The following NPAS3 variants were observed in gnomAD, a reference collection of about 807,000 sequenced individuals.
NPAS3 encodes neuronal PAS domain protein 3.
In NPAS3, 14 loss-of-function variants were observed where a neutral mutation model predicts 73.1. The observed-to-expected ratio is 0.19, with a 90% CI of 0.13 to 0.30. The LOEUF (loss-of-function observed/expected upper bound fraction) is 0.30, where lower values mean the gene tolerates loss of function less well. Among genes scored for constraint, NPAS3 ranks in the 10% least tolerant of loss-of-function variants. The pLI, the probability that NPAS3 is intolerant of heterozygous loss-of-function variation, is 1.00. For missense variants in NPAS3, 1,096 were observed against 1,250.0 expected, an observed-to-expected ratio of 0.88 and a Z score of 1.86; for synonymous variants, 620 against 541.5, an observed-to-expected ratio of 1.14 and a Z score of -2.01.
At chr14:33,627,505 G>A (rs533710042) in intron 5 of NPAS3, among the ~76,000 whole-genome samples, 1 of 152,122 alleles carries the variant, frequency 6.6e-6, no homozygotes, top group African/African-American at 2.4e-5. Context: ...AGATCCTCAC[G>A]TAATAGTTGA....
At chr14:33,201,300 G>GGGGTGTGTGTGTGTGTGTGTGT in intron 2 of NPAS3, among the ~76,000 whole-genome samples, 1 of 151,038 alleles carries the variant, frequency 6.6e-6, no homozygotes, top group South Asian at 2.1e-4. Context: ...CCCTAACAAT[G>GGGGTGTGTGTGTGTGTGTGTGT]GTGTGTGTGT....
chr14:33,098,167 G>C (rs975275837), intron 2 of NPAS3, among the ~76,000 whole-genome samples: 31 of 152,184 alleles, frequency 2.0e-4, no homozygotes, highest in Non-Finnish European at 5.9e-5. Flanking sequence ...GCATGAGGTT[G>C]AGGGCTCTAT....
chr14:33,013,021 C>T (rs1566465132), intron 1 of NPAS3, among the ~76,000 whole-genome samples: 2 of 152,094 alleles, frequency 1.3e-5, no homozygotes, highest in Non-Finnish European at 2.9e-5. Flanking sequence ...ATGTTCCATA[C>T]CCTTGTGTGA....
At chr14:33,416,710 C>T (rs557888263) in intron 4 of NPAS3, among the ~76,000 whole-genome samples, 80 of 152,024 alleles carry the variant, frequency 5.3e-4, no homozygotes, top group South Asian at 1.0e-3. Context: ...TCTATTCTTA[C>T]TCCATCACAA....
rs541207763 is a variant in NPAS3 at position 33,459,560 on chromosome 14, G to A, written c.468+92292G>A. On this transcript the variant is annotated intron_variant, in intron 4 of 11. Coordinates refer to ENST00000356141, the Ensembl canonical transcript of NPAS3. The stretch of plus-strand genomic sequence containing the variant: ...AAGTCATTTGGTCAGGCAATCTGAG[G>A]TGAGTCAGTTTATCTCTCTGATTTA... Among the ~76,000 whole-genome samples the A allele has an allele frequency of 5.9e-5, 9 of 152,294 alleles. No homozygotes were observed. The East Asian group carries it at 1.5e-3, about 26-fold the overall frequency.
chr14:33,098,096 C>T (rs1327292579), intron 2 of NPAS3, among the ~76,000 whole-genome samples: 1 of 152,144 alleles, frequency 6.6e-6, no homozygotes, highest in Non-Finnish European at 1.5e-5. Context: ...AAGATGTTTA[C>T]ACATATTTTC....
intron 6 of NPAS3, among the ~76,000 whole-genome samples, chr14:33,724,617 A>G (rs999751290): frequency 1.3e-5 from 2 of 152,158 alleles, no homozygotes; most frequent in Admixed American, 1.3e-4. Flanking sequence ...TGAGTGACAG[A>G]GTGAGACACC....
intron 9 of NPAS3, among the ~76,000 whole-genome samples, chr14:33,783,912 G>A (rs1268029852): frequency 6.6e-6 from 1 of 152,202 alleles, no homozygotes; most frequent in Non-Finnish European, 1.5e-5. Context: ...GACGTAAACA[G>A]TAAATACAAA....
intron 3 of NPAS3, among the ~76,000 whole-genome samples, chr14:33,276,763 G>A (rs1176014081): frequency 6.6e-6 from 1 of 151,996 alleles, no homozygotes; most frequent in African/African-American, 2.4e-5. Context: ...TAGAAATTAT[G>A]ATTATTTTCT....
Position 33,128,504 on chromosome 14 carries a change from C to T in NPAS3, c.140+72510C>T, listed in dbSNP as rs78426967. 3.0e-3 allele frequency among the ~76,000 whole-genome samples: 455 copies of T among 152,158 alleles called. 18 individuals carry two copies. In the East Asian group the frequency reaches 0.077, roughly 26 times the overall value. ...CCAATTTTATGACTAAAATACTATT[C>T]GAACAGAATAAGATACTTCAAAGAA... On this transcript the variant is annotated intron_variant, in intron 2 of 11. Transcript: ENST00000356141.
intron 3 of NPAS3, among the ~76,000 whole-genome samples, chr14:33,325,472 C>T (rs540376860): frequency 6.6e-6 from 1 of 151,908 alleles, no homozygotes; most frequent in Non-Finnish European, 1.5e-5. Flanking sequence ...ATGGTGAAAC[C>T]CTGTCTCTAC....
chr14:33,323,815 A>G (rs2043567463), intron 3 of NPAS3, among the ~76,000 whole-genome samples: 1 of 152,236 alleles, frequency 6.6e-6, no homozygotes, highest in African/African-American at 2.4e-5. Flanking sequence ...CTATAGCTTA[A>G]TAAATCATTC....
chr14:33,436,233 G>A (rs1007581013), intron 4 of NPAS3, among the ~76,000 whole-genome samples: 15 of 152,090 alleles, frequency 9.9e-5, no homozygotes, highest in African/African-American at 3.6e-4. Context: ...CAAGTCCTCC[G>A]CTGACCAGTA....
intron 1 of NPAS3, among the ~76,000 whole-genome samples, chr14:32,940,248 T>C (rs1456608819): frequency 1.3e-5 from 2 of 152,178 alleles, no homozygotes; most frequent in Non-Finnish European, 2.9e-5. Flanking sequence ...GCATGTCTAT[T>C]TGAAGTTAGT....
At chr14:33,724,185 A>C (rs1182498835) in intron 6 of NPAS3, among the ~76,000 whole-genome samples, 1 of 152,214 alleles carries the variant, frequency 6.6e-6, no homozygotes, top group Non-Finnish European at 1.5e-5. Context: ...AATATGTCAG[A>C]GTTAATATCC....
intron 6 of NPAS3, among the ~76,000 whole-genome samples, chr14:33,721,179 C>A (rs2061098744): frequency 6.6e-6 from 1 of 152,136 alleles, no homozygotes; most frequent in Admixed American, 6.5e-5. Context: ...AAGATAATTT[C>A]TTTTCTTCCT....
Position 33,339,343 on chromosome 14 carries a change from G to A in NPAS3, c.386-27843G>A, listed in dbSNP as rs73258807. Reference sequence around the variant, plus strand: ...GGTGATCTGTTTTATTTTCCTGGGGGTGGGGAAGCAGTGGGCAAAGCACAG... The same window carrying A: ...GGTGATCTGTTTTATTTTCCTGGGGATGGGGAAGCAGTGGGCAAAGCACAG... On this transcript the variant is annotated intron_variant, in intron 3 of 11. Transcript: ENST00000356141. 2.2e-3 allele frequency among the ~76,000 whole-genome samples: 334 copies of A among 152,170 alleles called. 1 individual carries two copies. The highest frequency in any genetic ancestry group is 7.4e-3 in the African/African-American group (306 of 41,544).
chr14:33,180,115 C>T (rs1479147608), intron 2 of NPAS3, among the ~76,000 whole-genome samples: 1 of 152,050 alleles, frequency 6.6e-6, no homozygotes, highest in Non-Finnish European at 1.5e-5. Context: ...GTAAGGATGA[C>T]ACTATTTTAA....
At chr14:33,031,822 C>T (rs1043317147) in intron 1 of NPAS3, among the ~76,000 whole-genome samples, 10 of 152,224 alleles carry the variant, frequency 6.6e-5, no homozygotes, top group African/African-American at 2.4e-4. Context: ...GTTTTGTGAA[C>T]ATCTATTGCA....
Sources: gnomAD v4.1 joint callset for allele counts (sites outside exome capture counted in the v4.1 genomes callset) on GRCh38, gnomAD v4.1.1 for gene constraint, MANE v1.5 for transcripts, NCBI Gene and HGNC (gene_info 2026-07-23, HGNC 2026-07-21) for gene names.